The following AURKC variants were observed in gnomAD, a reference collection of about 807,000 sequenced individuals.
AURKC encodes aurora kinase C.
A neutral mutation model predicts 29.2 loss-of-function variants in AURKC; 15 were observed. The observed-to-expected ratio is 0.51, with a 90% CI of 0.34 to 0.79. The LOEUF (loss-of-function observed/expected upper bound fraction) is 0.79. Among genes scored for constraint, AURKC ranks in the 30% least tolerant of loss-of-function variants. AURKC has a pLI of 0.01. For synonymous variants in AURKC, 150 were observed against 149.9 expected (o/e 1.00, Z -0.01); for missense variants, 332 against 383.2 (o/e 0.87, Z 1.12).
Position 57,232,036 on chromosome 19 carries a change from G to A in AURKC, c.108G>A (p.Arg36=), listed in dbSNP as rs2087497712. The change falls in exon 3 of 7, where the codon CGG becomes CGA. Residue 36 remains arginine, a synonymous_variant. Coordinates refer to ENST00000302804, the MANE Select transcript of AURKC (RefSeq NM_001015878.2). This position sits in a 1 kb window ranked among gnomAD's most constrained non-coding sequence, Gnocchi z 4.5. The stretch of plus-strand genomic sequence containing the variant: ...TTTTTTCTTCCTCTCCTGTCAGGCG[G>A]CGCCTCACAGTCGATGACTTTGAAA... ...TAQQPSSPAM[R]RLTVDDFEIG... is the part of the protein sequence containing the mutation. The A allele has an allele frequency of 6.2e-7, 1 of 1,614,038 alleles. No homozygotes were observed. Among genetic ancestry groups the A allele is most frequent in the Non-Finnish European group, 8.5e-7 (1 of 1,180,004 alleles).
rs2122798738 is a variant in AURKC, at chr19:57,231,107, A to C, written c.-142A>C. The C allele has an allele frequency of 6.5e-7, 1 of 1,528,398 alleles. No individual in the cohort carries two copies. Among genetic ancestry groups the C allele is most frequent in the African/African-American group, 1.4e-5 (1 of 72,788 alleles). 94.7% of individuals were successfully genotyped at this position (1,528,398 alleles called of 1,614,324 possible). A position where few individuals can be genotyped will look rare whatever the true frequency, so the allele number is the denominator to read the frequency against. On this transcript the variant is annotated 5_prime_UTR_variant, in exon 1 of 7. Coordinates refer to ENST00000302804, the MANE Select transcript of AURKC (RefSeq NM_001015878.2). ...GGATCCCGAAGCCTGTGTAGCAGTG[A>C]GACATCAGTGAGGCTGCAGGACGAG...
chr19:57,231,195 G>T lies in AURKC; in HGVS notation c.-54G>T. On this transcript the variant is annotated 5_prime_UTR_variant, in exon 1 of 7. Transcript: ENST00000302804. ...ACCCCTTTCAGGACCCTGTGAACGG[G>T]AACAGCCATCCAGAGGGTTCAGGAA... 1 of 1,551,602 alleles carries T rather than the reference G, an allele frequency of 6.4e-7. No individual in the cohort carries two copies. The highest frequency in any genetic ancestry group is 8.7e-7 in the Non-Finnish European group (1 of 1,146,960).
Position 57,231,119 on chromosome 19 carries a change from G to C in AURKC, c.-130G>C. The stretch of plus-strand genomic sequence containing the variant: ...CTGTGTAGCAGTGAGACATCAGTGA[G>C]GCTGCAGGACGAGCAGGATTGGAAG... On this transcript the variant is annotated 5_prime_UTR_variant, in exon 1 of 7. Transcript: ENST00000302804. 6.9e-7 allele frequency: 1 copy of C among 1,448,360 alleles called. No individual in the cohort carries two copies. The highest frequency in any genetic ancestry group is 9.2e-7 in the Non-Finnish European group (1 of 1,090,882). The allele number at this position is 1,448,360 out of a possible 1,614,324, so 89.7% of individuals were successfully genotyped here.
chr19:57,231,984 CG>C, intron 2 of AURKC, 48 bp from the exon 3 acceptor site: 1 of 1,612,172 alleles, frequency 6.2e-7, no homozygotes, highest in Non-Finnish European at 8.5e-7. Flanking sequence ...ACTTTCCCTC[CG>C]CCTACCCTAC....
rs774403828 is a variant in AURKC at position 57,231,777 on chromosome 19, A to AGCCCAGCC, written c.95_102dup (p.Met35AlafsTer40). ...AAACCAAACAGCCCAGCAGCCCAGC[A>AGCCCAGCC]GCCCAGCCATGTGAGTCCCTTGGGA... On this transcript the variant is annotated frameshift_variant, in exon 2 of 7. Transcript: ENST00000302804. LOFTEE classifies it high-confidence loss of function. The AGCCCAGCC allele has an allele frequency of 5.0e-5, 81 of 1,613,674 alleles. No homozygotes were observed. Among genetic ancestry groups the AGCCCAGCC allele is most frequent in the Admixed American group, 1.5e-4 (9 of 59,958 alleles).
Position 57,232,539 on chromosome 19 carries a change from C to T in AURKC, c.297-3C>T. 1.9e-6 allele frequency: 3 copies of T among 1,614,184 alleles called. No individual in the cohort carries two copies. The highest frequency in any genetic ancestry group is 2.5e-6 in the Non-Finnish European group (3 of 1,180,036). On this transcript the variant is annotated splice_polypyrimidine_tract_variant and splice_region_variant and intron_variant, in intron 3 of 6. Transcript: ENST00000302804. This position sits in a 1 kb window ranked among gnomAD's most constrained non-coding sequence, Gnocchi z 4.5. ...TCTGACTCTTCCAACATTAATCCTT[C>T]AGACACCCCAATATCCTGCGCCTGT...
At position 57,231,611 on chromosome 19, in the gene AURKC, C is replaced by A; in HGVS notation, c.59-131C>A. On this transcript the variant is annotated intron_variant, in intron 1 of 6. Coordinates refer to ENST00000302804, the MANE Select transcript of AURKC (RefSeq NM_001015878.2). ...CCCTGCCTTCCCCTTCCCTCTCTTT[C>A]TCTCCTCCCCTTCTTCCCCTCACCT... 3 of 903,948 alleles carry A rather than the reference C, an allele frequency of 3.3e-6. No individual in the cohort carries two copies. The South Asian group carries it at 4.3e-5, about 13-fold the overall frequency. The allele number at this position is 903,948 out of a possible 1,614,324, so 56.0% of individuals were successfully genotyped here. A position where few individuals can be genotyped will look rare whatever the true frequency, so the allele number is the denominator to read the frequency against.
chr19:57,231,971 C>G, intron 2 of AURKC, 62 bp from the exon 3 acceptor site: 1 of 1,610,422 alleles, frequency 6.2e-7, no homozygotes. Flanking sequence ...ATTGGCATCC[C>G]TGACTTTCCC....
At position 57,232,600 on chromosome 19, in the gene AURKC, A is replaced by C; in HGVS notation, c.355A>C (p.Ile119Leu). Residue 119 changes from isoleucine to leucine, a missense_variant, in exon 4 of 7, where the codon ATT (isoleucine) becomes CTT (leucine). Transcript: ENST00000302804. This position sits in a 1 kb window ranked among gnomAD's most constrained non-coding sequence, Gnocchi z 4.5. ...CCATGATGCACGCCGGGTGTACCTG[A>C]TTCTGGAATATGCTCCAAGGGGTGA... ...YFHDARRVYL[I>L]LEYAPRGELY... 2 of 1,614,120 alleles carry C rather than the reference A, an allele frequency of 1.2e-6. No individual in the cohort carries two copies. The highest frequency in any genetic ancestry group is 1.3e-5 in the African/African-American group (1 of 75,028).
chr19:57,233,633 T>A, intron 5 of AURKC, 25 bp downstream of exon 5: 2 of 1,613,008 alleles, frequency 1.2e-6, no homozygotes, highest in South Asian at 2.2e-5. Context: ...GGTGGTAGGG[T>A]GAGTTCTGAG....
chr19:57,234,053 C>CTTTTTTTT (rs10586926), intron 5 of AURKC, among the ~76,000 whole-genome samples: 1 of 112,630 alleles, frequency 8.9e-6, no homozygotes, highest in South Asian at 2.8e-4. Context: ...TTTTTCTTTT[C>CTTTTTTTT]TTTTTTTTTT....
At chr19:57,233,731 G>T in intron 5 of AURKC, 123 bp downstream of exon 5, 1 of 1,337,862 alleles carries the variant, frequency 7.5e-7, no homozygotes, top group Non-Finnish European at 1.1e-6. Flanking sequence ...TTGGAATACT[G>T]CCTTTTTCTT....
chr19:57,231,168 C>T lies in AURKC; in HGVS notation c.-81C>T, dbSNP rs1568483247. 3.2e-6 allele frequency: 5 copies of T among 1,550,400 alleles called. No individual in the cohort carries two copies. Among genetic ancestry groups the T allele is most frequent in the Non-Finnish European group, 4.4e-6 (5 of 1,146,260 alleles). ...AGCGCCCCGGCCAGAAAGTGACCCC[C>T]CACCCCTTTCAGGACCCTGTGAACG... On this transcript the variant is annotated 5_prime_UTR_variant, in exon 1 of 7. Coordinates refer to ENST00000302804, the MANE Select transcript of AURKC (RefSeq NM_001015878.2).
In AURKC at chr19:57,235,469, C is replaced by G. The variant is rs1428981738; in HGVS notation, c.*52C>G. ...GTGTGTTCAGGGAGCTCTCCTGGCTCTGCCACCTCATTTGTCTTTATTTTT... is the reference window on the plus strand; with the variant it reads ...GTGTGTTCAGGGAGCTCTCCTGGCTGTGCCACCTCATTTGTCTTTATTTTT... On this transcript the variant is annotated 3_prime_UTR_variant, in exon 7 of 7. Coordinates refer to ENST00000302804, the MANE Select transcript of AURKC (RefSeq NM_001015878.2). The G allele has an allele frequency of 2.5e-6, 4 of 1,600,998 alleles. No homozygotes were observed. The highest frequency in any genetic ancestry group is 3.4e-6 in the Non-Finnish European group (4 of 1,170,378).
intron 5 of AURKC, 31 bp from the exon 6 acceptor site, chr19:57,234,853 A>C (rs2087530327): frequency 6.2e-7 from 1 of 1,613,584 alleles, no homozygotes; most frequent in Non-Finnish European, 8.5e-7. Flanking sequence ...GCCTCTGCTT[A>C]GTACTTATTC....
At chr19:57,231,458 C>A in intron 1 of AURKC, 152 bp downstream of exon 1, 1 of 931,438 alleles carries the variant, frequency 1.1e-6, no homozygotes, top group South Asian at 1.5e-5. Flanking sequence ...CCCTCCAATT[C>A]TTTCTTTCAC....
chr19:57,232,178 C>G lies in AURKC; in HGVS notation c.250C>G (p.Leu84Val), dbSNP rs1291567225. 6.2e-7 allele frequency: 1 copy of G among 1,614,044 alleles called. No individual in the cohort carries two copies. The highest frequency in any genetic ancestry group is 1.7e-5 in the Admixed American group (1 of 60,010). ...CAAGTCGCAGATAGAGAAGGAAGGA[C>G]TGGAGCACCAGCTGCGCCGGGAAAT... Reference protein sequence around the residue: ...LFKSQIEKEGLEHQLRREIEI... With the variant: ...LFKSQIEKEGVEHQLRREIEI... Residue 84 changes from leucine (L) to valine (V), a missense_variant, in exon 3 of 7, where the codon CTG becomes GTG. Leu to Val is a conservative substitution (Grantham distance 32). Transcript: ENST00000302804. The surrounding 1 kb of genome is among the most constrained non-coding windows in gnomAD (Gnocchi z 4.5).
intron 1 of AURKC, 142 bp from the exon 2 acceptor site, chr19:57,231,600 T>C: frequency 1.3e-6 from 1 of 754,286 alleles, no homozygotes; most frequent in South Asian, 1.5e-5. Context: ...GCCTTCCCCT[T>C]CCCTCTCTTT....
chr19:57,232,270 C>G lies in AURKC; in HGVS notation c.296+46C>G, dbSNP rs746524534. The stretch of plus-strand genomic sequence containing the variant: ...CTCTTTCATCTTTGACGTCTGAGCC[C>G]AGCATTTTCCCCAAATACTAACCCC... On this transcript the variant is annotated intron_variant, in intron 3 of 6. Transcript: ENST00000302804. This position sits in a 1 kb window ranked among gnomAD's most constrained non-coding sequence, Gnocchi z 4.5. 6 of 1,604,994 alleles carry G rather than the reference C, an allele frequency of 3.7e-6. No homozygotes were observed. The highest frequency in any genetic ancestry group is 4.2e-6 in the Non-Finnish European group (5 of 1,176,604).
Sources: allele counts gnomAD v4.1 joint callset (sites outside exome capture counted in the v4.1 genomes callset), GRCh38; gene constraint gnomAD v4.1.1; non-coding constraint Gnocchi (gnomAD v3.1); transcripts MANE v1.5; gene names NCBI Gene and HGNC (gene_info 2026-07-23, HGNC 2026-07-21).